GGT7: variants seen among roughly 807,000 people sequenced by gnomAD.
The protein encoded by GGT7 is gamma-glutamyltransferase 7, also known as glutathione hydrolase 7.
A neutral mutation model predicts 69.2 loss-of-function variants in GGT7; 30 were observed. The observed-to-expected ratio is 0.43, with a 90% CI of 0.32 to 0.59. GGT7 has a LOEUF of 0.59. GGT7 is among the 20% of genes least tolerant of loss of function. The pLI, the probability that GGT7 is intolerant of heterozygous loss-of-function variation, is 0.05. For missense variants in GGT7, 733 were observed against 901.1 expected (o/e 0.81, Z 2.39); for synonymous variants, 388 against 391.8 (o/e 0.99, Z 0.12).
Position 34,872,847 on chromosome 20 carries a change from T to A in GGT7, c.-32A>T. The A allele has an allele frequency of 7.6e-7, 1 of 1,317,670 alleles. No individual in the cohort carries two copies. Among genetic ancestry groups the A allele is most frequent in the Non-Finnish European group, 9.7e-7 (1 of 1,026,070 alleles). 81.6% of individuals were successfully genotyped at this position (1,317,670 alleles called of 1,614,324 possible). Reference sequence around the variant, plus strand: ...CCGCGCCCCCCAGCAGCGCAGCGCCTGCCGGAAGTGGCTGCGGCGGGGGAG... The same window carrying A: ...CCGCGCCCCCCAGCAGCGCAGCGCCAGCCGGAAGTGGCTGCGGCGGGGGAG... On this transcript the variant is annotated 5_prime_UTR_variant, in exon 1 of 15. Coordinates refer to ENST00000336431, the MANE Select transcript of GGT7 (RefSeq NM_178026.3).
Position 34,872,654 on chromosome 20 carries a change from G to A in GGT7, c.162C>T (p.Pro54=). ...GGGGTCAGCGGGCCTCACCGGTGTCGGGGTCTCCCAGAAAGGCGTCCTCGT... is the reference window on the plus strand; with the variant it reads ...GGGGTCAGCGGGCCTCACCGGTGTCAGGGTCTCCCAGAAAGGCGTCCTCGT... The part of the protein sequence containing the change: ...RKDEDAFLGD[P]DTDPDSFLKS... The change falls in exon 1 of 15, where the codon CCC becomes CCT. Residue 54 remains proline (P), a synonymous_variant. Transcript: ENST00000336431. The A allele has an allele frequency of 6.8e-7, 1 of 1,475,408 alleles. No individual in the cohort carries two copies. Among genetic ancestry groups the A allele is most frequent in the Non-Finnish European group, 9.0e-7 (1 of 1,117,086 alleles). The allele number at this position is 1,475,408 out of a possible 1,614,324, so 91.4% of individuals were successfully genotyped here.
At chr20:34,864,200 G>T (rs1729873948) in intron 1 of GGT7, among the ~76,000 whole-genome samples, 1 of 152,158 alleles carries the variant, frequency 6.6e-6, no homozygotes, top group Non-Finnish European at 1.5e-5. Flanking sequence ...CAGAAATCAG[G>T]GAAGGCCTCT....
intron 14 of GGT7, among the ~76,000 whole-genome samples, chr20:34,849,356 G>A (rs908450605): frequency 1.3e-5 from 2 of 150,908 alleles, no homozygotes; most frequent in African/African-American, 2.4e-5. Context: ...AGAGACGGGG[G>A]GGTGGAGGGG....
intron 1 of GGT7, 35 bp downstream of exon 1, chr20:34,872,612 C>A: frequency 1.4e-6 from 2 of 1,397,182 alleles, no homozygotes; most frequent in South Asian, 1.6e-5. Flanking sequence ...GGGGACTTCC[C>A]AAGGCAGGGC....
At chr20:34,852,113 T>A (rs1190313567) in intron 12 of GGT7, 42 bp downstream of exon 12, 1 of 1,173,788 alleles carries the variant, frequency 8.5e-7, no homozygotes, top group South Asian at 1.2e-5. Context: ...CTCCTACCTA[T>A]AGGCCTCAGG....
In GGT7 at chr20:34,845,298, G is replaced by T. The variant is rs760261764; in HGVS notation, c.*30C>A. On this transcript the variant is annotated 3_prime_UTR_variant, in exon 15 of 15. Coordinates refer to ENST00000336431, the MANE Select transcript of GGT7 (RefSeq NM_178026.3). Reference sequence around the variant, plus strand: ...GGACTCTGGGAACATGCAAAGTGGGGGAGCAGAGACCCCGCCCCACCCCGC... The same window carrying T: ...GGACTCTGGGAACATGCAAAGTGGGTGAGCAGAGACCCCGCCCCACCCCGC... 57 of 1,590,386 alleles carry T rather than the reference G, an allele frequency of 3.6e-5. No homozygotes were observed. The highest frequency in any genetic ancestry group is 4.7e-5 in the Non-Finnish European group (55 of 1,166,342).
At chr20:34,871,057 C>T (rs1054695119) in intron 1 of GGT7, among the ~76,000 whole-genome samples, 4 of 152,300 alleles carry the variant, frequency 2.6e-5, no homozygotes, top group Admixed American at 6.5e-5. Flanking sequence ...CATGAGCCAC[C>T]GCGCCCGGCC....
Position 34,861,482 on chromosome 20 carries a change from AG to A in GGT7, c.637del (p.Leu213SerfsTer24). 6.4e-7 allele frequency: 1 copy of A among 1,555,762 alleles called. No homozygotes were observed. The highest frequency in any genetic ancestry group is 8.8e-7 in the Non-Finnish European group (1 of 1,141,246). ...GGATCTTTGCAGGGTCTCTTCCCTGAGGGCCCCTGGTGCGGACTCCCGGAAA... is the reference window on the plus strand; with the variant it reads ...GGATCTTTGCAGGGTCTCTTCCCTGAGGCCCCTGGTGCGGACTCCCGGAAA... ...IDFRESAPGA[L>X]REETLQRSWE... On this transcript the variant is annotated frameshift_variant, in exon 4 of 15. Transcript: ENST00000336431. LOFTEE classifies it high-confidence loss of function.
rs533722687 is a variant in GGT7, at chr20:34,871,282, C to T, written c.169+1365G>A. Among the ~76,000 whole-genome samples, 6 of 152,232 alleles carry T rather than the reference C, an allele frequency of 3.9e-5. No individual in the cohort carries two copies. The East Asian group carries it at 9.6e-4, about 24-fold the overall frequency. On this transcript the variant is annotated intron_variant, in intron 1 of 14. Coordinates refer to ENST00000336431, the MANE Select transcript of GGT7 (RefSeq NM_178026.3). ...AGAGAGACAGGCATTCTCTGTTGAG[C>T]TGGAAGAGGAAACTAAGGCCCAGGA...
Position 34,862,956 on chromosome 20 carries a change from G to A in GGT7, c.415C>T (p.Gln139Ter), listed in dbSNP as rs2079623599. The A allele has an allele frequency of 6.2e-7, 1 of 1,612,642 alleles. No homozygotes were observed. The highest frequency in any genetic ancestry group is 1.7e-5 in the Admixed American group (1 of 59,796). ...GCAGCATCGGTCACCACGGCACCCT[G>A]CTGGAAGATCTGGGAGGGGAAAGAG... ...IYFGDPQIFQ[Q>*]GAVVTDAARC... is the part of the protein sequence containing the mutation. The change falls in exon 3 of 15, where the codon CAG (glutamine) becomes TAG (stop). Residue 139 changes from glutamine (Q) to a stop codon, truncating the protein, a stop_gained. Transcript: ENST00000336431. LOFTEE classifies it high-confidence loss of function.
chr20:34,847,869 A>G (rs1182204219), intron 14 of GGT7, among the ~76,000 whole-genome samples: 1 of 152,226 alleles, frequency 6.6e-6, no homozygotes, highest in African/African-American at 2.4e-5. Context: ...AGGCAGGCGG[A>G]TTACTTGAGG....
In GGT7 at chr20:34,863,406, C is replaced by T. The variant is rs1361978188; in HGVS notation, c.312G>A (p.Gln104=). The T allele has an allele frequency of 6.2e-7, 1 of 1,613,964 alleles. No individual in the cohort carries two copies. The highest frequency in any genetic ancestry group is 1.7e-5 in the Admixed American group (1 of 60,022). ...SAAAAECSCR[Q]DGLTVIVTAC... The stretch of plus-strand genomic sequence containing the variant: ...CCGTGACGATGACCGTGAGCCCATC[C>T]TGGCGGCAGGAGCACTCGGCCGCTG... The change falls in exon 2 of 15, where the codon CAG becomes CAA. Residue 104 remains glutamine, a synonymous_variant. Coordinates refer to ENST00000336431, the MANE Select transcript of GGT7 (RefSeq NM_178026.3). This position sits in a 1 kb window ranked among gnomAD's most constrained non-coding sequence, Gnocchi z 4.4.
chr20:34,872,360 T>C, intron 1 of GGT7: 2 of 290,384 alleles, frequency 6.9e-6, no homozygotes, highest in East Asian at 5.6e-5. Flanking sequence ...CCTTAGGATC[T>C]CCCCTTCAAC....
At position 34,862,883 on chromosome 20, in the gene GGT7, G is replaced by T; in HGVS notation, c.488C>A (p.Ser163Tyr). ...GIEVLSKQGS[S>Y]VDAAVAAALC... ...GGCTGCTGCCACCGCTGCGTCCACA[G>T]AAGATCCCTGTTTACTGAGCACCTC... The change falls in exon 3 of 15, where the codon TCT (serine) becomes TAT (tyrosine). Residue 163 changes from serine to tyrosine, a missense_variant. Transcript: ENST00000336431. 1 of 1,614,168 alleles carries T rather than the reference G, an allele frequency of 6.2e-7. No homozygotes were observed. Among genetic ancestry groups the T allele is most frequent in the South Asian group, 1.1e-5 (1 of 91,090 alleles).
intron 8 of GGT7, among the ~76,000 whole-genome samples, chr20:34,855,328 C>A (rs2079472570): frequency 6.6e-6 from 1 of 152,326 alleles, no homozygotes; most frequent in South Asian, 2.1e-4. Flanking sequence ...ATGGTCTCAT[C>A]CAGCCCCAAA....
intron 1 of GGT7, among the ~76,000 whole-genome samples, chr20:34,870,245 T>A (rs1196891623): frequency 6.6e-6 from 1 of 152,186 alleles, no homozygotes; most frequent in East Asian, 1.9e-4. Context: ...TGGCATAAGG[T>A]ATAAACTCCC....
intron 14 of GGT7, among the ~76,000 whole-genome samples, chr20:34,848,940 C>T (rs951936186): frequency 6.6e-6 from 1 of 152,160 alleles, no homozygotes; most frequent in Non-Finnish European, 1.5e-5. Context: ...TTCAGCTGTG[C>T]CAAAATTAAG....
intron 8 of GGT7, among the ~76,000 whole-genome samples, chr20:34,856,128 T>C (rs2079488192): frequency 6.6e-6 from 1 of 152,132 alleles, no homozygotes; most frequent in African/African-American, 2.4e-5. Context: ...TTCCACTGCC[T>C]CTGGCAGAGG....
rs1010892953 is a variant in GGT7 at position 34,852,007 on chromosome 20, G to A, written c.1587+148C>T. On this transcript the variant is annotated intron_variant, in intron 12 of 14. Coordinates refer to ENST00000336431, the MANE Select transcript of GGT7 (RefSeq NM_178026.3). ...CACCAGGCTCCATGTCCCAGACTTA[G>A]CAGGGCTAGGGATGAGGTGAACCTC... is the stretch of plus-strand genomic sequence containing the variant. 20 of 652,014 alleles carry A rather than the reference G, an allele frequency of 3.1e-5. No individual in the cohort carries two copies. The Admixed American group carries it at 3.4e-4, about 11-fold the overall frequency. 40.4% of individuals were successfully genotyped at this position (652,014 alleles called of 1,614,324 possible). A position where few individuals can be genotyped will look rare whatever the true frequency, so the allele number is the denominator to read the frequency against.
Sources: gnomAD v4.1 joint callset for allele counts (sites outside exome capture counted in the v4.1 genomes callset) on GRCh38, gnomAD v4.1.1 for gene constraint, Gnocchi (gnomAD v3.1) non-coding constraint, MANE v1.5 for transcripts, NCBI Gene and HGNC (gene_info 2026-07-23, HGNC 2026-07-21) for gene names.